Variants in NEK11 observed in about 807,000 individuals in gnomAD.
NEK11 encodes the protein NIMA related kinase 11.
Under a neutral mutation model 80.7 loss-of-function variants are expected in NEK11, and 72 were observed. The ratio of observed to expected loss-of-function variants is 0.89; its 90% CI spans 0.74 to 1.08. The LOEUF (loss-of-function observed/expected upper bound fraction) is 1.08, where lower values mean the gene tolerates loss of function less well. Among genes scored for constraint, NEK11 ranks in the 50% least tolerant of loss-of-function variants. NEK11 has a pLI of 0.00. For missense variants in NEK11, 764 were observed against 763.6 expected, an observed-to-expected ratio of 1.00 and a Z score of -0.01; for synonymous variants, 251 against 260.7, an observed-to-expected ratio of 0.96 and a Z score of 0.36.
chr3:131,333,003 A>C (rs944087640), intron 17 of NEK11, among the ~76,000 whole-genome samples: 4 of 152,180 alleles, frequency 2.6e-5, no homozygotes, highest in Non-Finnish European at 4.4e-5. Flanking sequence ...GGTGTACCTG[A>C]AAGTGACGGG....
intron 3 of NEK11, among the ~76,000 whole-genome samples, chr3:131,042,839 G>A (rs1032781724): frequency 6.6e-6 from 1 of 152,150 alleles, no homozygotes; most frequent in African/African-American, 2.4e-5. Flanking sequence ...AGCAGGGGTC[G>A]ACAGGTACCT....
At chr3:131,218,179 C>A (rs1240113734) in intron 14 of NEK11, among the ~76,000 whole-genome samples, 1 of 151,782 alleles carries the variant, frequency 6.6e-6, no homozygotes, top group Non-Finnish European at 1.5e-5. Flanking sequence ...TTATAATGTC[C>A]AAGTCTTTAG....
At chr3:131,298,383 C>G (rs1369368580) in intron 17 of NEK11, among the ~76,000 whole-genome samples, 1 of 152,086 alleles carries the variant, frequency 6.6e-6, no homozygotes, top group Non-Finnish European at 1.5e-5. Context: ...TCCTTCACGT[C>G]CCTTGTAAGT....
intron 3 of NEK11, among the ~76,000 whole-genome samples, chr3:131,074,183 G>C (rs1222539973): frequency 6.6e-6 from 1 of 152,078 alleles, no homozygotes; most frequent in Non-Finnish European, 1.5e-5. Context: ...CTTGTCTCAG[G>C]GTTCGCCTTC....
chr3:131,288,456 T>C (rs1225416181), intron 17 of NEK11, among the ~76,000 whole-genome samples: 2 of 140,972 alleles, frequency 1.4e-5, no homozygotes, highest in African/African-American at 5.2e-5. Context: ...CTTTCTTTTT[T>C]TTTTTTTTTT....
intron 3 of NEK11, among the ~76,000 whole-genome samples, chr3:131,059,546 A>G (rs1313409375): frequency 2.0e-5 from 3 of 152,210 alleles, no homozygotes; most frequent in Admixed American, 6.5e-5. Flanking sequence ...CTTTAAATGT[A>G]CAGATATGTG....
At chr3:131,184,852 T>C in intron 14 of NEK11, 5 of 390,668 alleles carry the variant, frequency 1.3e-5, no homozygotes, top group African/African-American at 2.1e-5. Context: ...TTAAATAATA[T>C]TTTAGGTAAG....
chr3:131,212,954 T>C (rs2094686179), intron 14 of NEK11, among the ~76,000 whole-genome samples: 1 of 152,214 alleles, frequency 6.6e-6, no homozygotes, highest in African/African-American at 2.4e-5. Flanking sequence ...TGTCATAATG[T>C]GAGTGGGCCT....
chr3:131,070,687 T>A (rs904233553), intron 3 of NEK11, among the ~76,000 whole-genome samples: 1 of 152,328 alleles, frequency 6.6e-6, no homozygotes, highest in East Asian at 1.9e-4. Context: ...GTCAGGAGTT[T>A]TTGTTCTTTG....
chr3:131,285,369 T>G (rs2096457859), intron 17 of NEK11, among the ~76,000 whole-genome samples: 1 of 152,180 alleles, frequency 6.6e-6, no homozygotes, highest in Non-Finnish European at 1.5e-5. Context: ...GGGATGGCCT[T>G]GCAGAGTTCA....
At chr3:131,171,792 G>A (rs1014910204) in intron 14 of NEK11, among the ~76,000 whole-genome samples, 3 of 152,134 alleles carry the variant, frequency 2.0e-5, no homozygotes, top group African/African-American at 7.2e-5. Flanking sequence ...TTGTTCACCA[G>A]TCTCCCCAGT....
intron 14 of NEK11, among the ~76,000 whole-genome samples, chr3:131,183,502 C>T (rs1426184454): frequency 4.6e-5 from 7 of 152,142 alleles, no homozygotes; most frequent in Admixed American, 4.6e-4. Flanking sequence ...GTTCTCATTG[C>T]TCAGCTCCAG....
intron 7 of NEK11, among the ~76,000 whole-genome samples, chr3:131,148,212 T>G (rs768683651): frequency 2.0e-5 from 3 of 151,988 alleles, no homozygotes; most frequent in Non-Finnish European, 2.9e-5. Context: ...ATTTCTGAAA[T>G]AAAATCTACA....
intron 17 of NEK11, among the ~76,000 whole-genome samples, chr3:131,294,492 G>A (rs141145536): frequency 1.1e-3 from 170 of 151,936 alleles, no homozygotes; most frequent in Non-Finnish European, 2.1e-3. Flanking sequence ...GGTCTATCTC[G>A]GTGAATATTA....
At chr3:131,339,188 G>C (rs1379740549) in intron 17 of NEK11, among the ~76,000 whole-genome samples, 1 of 152,092 alleles carries the variant, frequency 6.6e-6, no homozygotes, top group African/African-American at 2.4e-5. Context: ...TTTTTAAAAG[G>C]AGTGAAATTC....
intron 17 of NEK11, among the ~76,000 whole-genome samples, chr3:131,346,032 G>T (rs2097357843): frequency 6.6e-6 from 1 of 152,104 alleles, no homozygotes; most frequent in East Asian, 1.9e-4. Context: ...CTCAGGCAGG[G>T]TTGGTAGGGG....
intron 14 of NEK11, among the ~76,000 whole-genome samples, chr3:131,208,314 A>T (rs190433082): frequency 1.1e-4 from 16 of 152,152 alleles, no homozygotes; most frequent in East Asian, 7.7e-4. Context: ...TTCTGTTCCA[A>T]TGATCTATAT....
intron 4 of NEK11, among the ~76,000 whole-genome samples, chr3:131,098,407 C>T (rs1475830454): frequency 6.6e-6 from 1 of 152,094 alleles, no homozygotes; most frequent in Non-Finnish European, 1.5e-5. Flanking sequence ...ACCTACTCAT[C>T]TGTTTTTTGA....
chr3:131,333,939 C>T (rs181247297), intron 17 of NEK11, among the ~76,000 whole-genome samples: 16 of 152,314 alleles, frequency 1.1e-4, no homozygotes. Flanking sequence ...GTATATGCAT[C>T]CAATACAGGA....
Sources: allele counts gnomAD v4.1 joint callset (sites outside exome capture counted in the v4.1 genomes callset), GRCh38; gene constraint gnomAD v4.1.1; transcripts MANE v1.5; gene names NCBI Gene and HGNC (gene_info 2026-07-23, HGNC 2026-07-21).